The following CIMAP2 variants were observed in gnomAD, a reference collection of about 807,000 sequenced individuals.
CIMAP2 encodes the protein ciliary microtubule-associated protein 2.
At chr1:54,813,141 C>CT in the CIMAP2 span, among the ~76,000 whole-genome samples, 345 of 147,272 alleles carry the variant, frequency 2.3e-3, 3 homozygotes, top group African/African-American at 7.2e-3. Flanking sequence ...GTTTGTGAGA[C>CT]TTTTTTTTTT....
At chr1:54,808,702 G>A in the CIMAP2 span, among the ~76,000 whole-genome samples, 6 of 151,886 alleles carry the variant, frequency 4.0e-5, 1 homozygote, top group Admixed American at 3.9e-4. Flanking sequence ...TTGGGAGGAG[G>A]CGATGGTGCT....
At chr1:54,818,595 C>CT in the CIMAP2 span, among the ~76,000 whole-genome samples, 5 of 151,336 alleles carry the variant, frequency 3.3e-5, no homozygotes, top group South Asian at 4.2e-4. Context: ...GCAGTATGTT[C>CT]TTTTTTTTTC....
chr1:54,811,765 G>GCGGGGGGGGGGGCCCCC, the CIMAP2 span: 1 of 1,301,330 alleles, frequency 7.7e-7, no homozygotes, highest in Non-Finnish European at 1.1e-6. Flanking sequence ...GGTTCTGACA[G>GCGGGGGGGGGGGCCCCC]CCTCCATGCC....
At chr1:54,832,314 A>G in the CIMAP2 span, among the ~76,000 whole-genome samples, 1 of 152,202 alleles carries the variant, frequency 6.6e-6, no homozygotes, top group Non-Finnish European at 1.5e-5. Flanking sequence ...TACTTATAGA[A>G]CATTTATAAA....
At chr1:54,819,948 CTTCT>C in the CIMAP2 span, among the ~76,000 whole-genome samples, 116 of 90,778 alleles carry the variant, frequency 1.3e-3, 1 homozygote, top group Middle Eastern at 8.8e-3. Context: ...TCTTTCTGTC[CTTCT>C]TTCTTTCTCT....
the CIMAP2 span, among the ~76,000 whole-genome samples, chr1:54,831,964 A>G: frequency 7.1e-4 from 108 of 152,322 alleles, no homozygotes; most frequent in African/African-American, 2.6e-3. Context: ...CTCCCACCTC[A>G]GCCTTCCAAG....
At chr1:54,808,012 G>A in the CIMAP2 span, 3 of 1,559,940 alleles carry the variant, frequency 1.9e-6, no homozygotes, top group Non-Finnish European at 1.7e-6. Flanking sequence ...ACTCACTGGG[G>A]TAGGTGTTCT....
the CIMAP2 span, chr1:54,841,965 G>A: frequency 3.0e-5 from 40 of 1,342,078 alleles, no homozygotes; most frequent in East Asian, 9.8e-4. Context: ...GGAGTGGGGT[G>A]TCTTAGAGAA....
the CIMAP2 span, among the ~76,000 whole-genome samples, chr1:54,831,798 A>G: frequency 6.6e-6 from 1 of 152,266 alleles, no homozygotes; most frequent in Non-Finnish European, 1.5e-5. Flanking sequence ...AAGTGGAACA[A>G]AGATGAGTAT....
At chr1:54,806,255 G>T in the CIMAP2 span, 1 of 1,465,718 alleles carries the variant, frequency 6.8e-7, no homozygotes, top group Non-Finnish European at 9.0e-7. Flanking sequence ...TCACGCCCAC[G>T]GTCCAAAGCA....
the CIMAP2 span, chr1:54,811,764 A>AGCGGGGGGGGG: frequency 1.8e-6 from 2 of 1,097,914 alleles, no homozygotes; most frequent in East Asian, 2.9e-5. Context: ...TGGTTCTGAC[A>AGCGGGGGGGGG]GCCTCCATGC....
At chr1:54,811,773 G>GAGCC in the CIMAP2 span, 1 of 1,325,052 alleles carries the variant, frequency 7.5e-7, no homozygotes, top group Non-Finnish European at 1.0e-6. Context: ...CAGCCTCCAT[G>GAGCC]CCCCCACCCC....
chr1:54,820,065 C>G, the CIMAP2 span, among the ~76,000 whole-genome samples: 1 of 137,592 alleles, frequency 7.3e-6, no homozygotes, highest in South Asian at 2.4e-4. Context: ...CCCTCCCTCC[C>G]TATCTCCCTT....
chr1:54,808,274 C>T, the CIMAP2 span, among the ~76,000 whole-genome samples: 2 of 152,152 alleles, frequency 1.3e-5, no homozygotes, highest in African/African-American at 4.8e-5. Flanking sequence ...GGGCTATGAA[C>T]ACAAATTAGA....
the CIMAP2 span, among the ~76,000 whole-genome samples, chr1:54,815,598 C>T: frequency 2.0e-5 from 3 of 152,092 alleles, no homozygotes; most frequent in East Asian, 1.9e-4. Flanking sequence ...CCCAAGTGTG[C>T]GATGTATCTT....
chr1:54,811,765 G>GCGGGGGGGGGGGGGGCCCCCCCCCCCCCC, the CIMAP2 span: 1 of 1,301,326 alleles, frequency 7.7e-7, no homozygotes, highest in Non-Finnish European at 1.1e-6. Flanking sequence ...GGTTCTGACA[G>GCGGGGGGGGGGGGGGCCCCCCCCCCCCCC]CCTCCATGCC....
the CIMAP2 span, among the ~76,000 whole-genome samples, chr1:54,833,686 A>G: frequency 6.6e-6 from 1 of 152,068 alleles, no homozygotes; most frequent in Non-Finnish European, 1.5e-5. Context: ...CATCTAGCCA[A>G]CTTTCTAGAT....
the CIMAP2 span, chr1:54,812,285 T>A: frequency 6.6e-7 from 1 of 1,524,370 alleles, no homozygotes; most frequent in Non-Finnish European, 8.9e-7. Flanking sequence ...TGTGCCAGGC[T>A]CTGCACCGGG....
At chr1:54,812,284 C>T in the CIMAP2 span, 5 of 1,528,944 alleles carry the variant, frequency 3.3e-6, no homozygotes, top group Non-Finnish European at 4.5e-6. Flanking sequence ...GTGTGCCAGG[C>T]TCTGCACCGG....
Sources: gnomAD v4.1 joint callset for allele counts (sites outside exome capture counted in the v4.1 genomes callset) on GRCh38, gnomAD v4.1.1 for gene constraint, MANE v1.5 for transcripts, NCBI Gene and HGNC (gene_info 2026-07-23, HGNC 2026-07-21) for gene names.